Variants in NOL10 observed in about 807,000 individuals in gnomAD.
NOL10 encodes the protein H_NH0074G24.1.
A neutral mutation model predicts 103.5 loss-of-function variants in NOL10; 58 were observed. That is an observed-to-expected ratio of 0.56 (90% CI 0.45 to 0.70). The LOEUF (loss-of-function observed/expected upper bound fraction) is 0.70. NOL10 is among the 30% of genes least tolerant of loss of function. The probability of loss-of-function intolerance (pLI) is 0.00; values close to 1 mark genes in which losing one functional copy is unlikely to be tolerated. For missense variants in NOL10, 763 were observed against 807.3 expected (o/e 0.95, Z 0.67); for synonymous variants, 287 against 282.5 (o/e 1.02, Z -0.16).
intron 1 of NOL10, among the ~76,000 whole-genome samples, chr2:10,685,129 T>G (rs921367216): frequency 3.9e-5 from 6 of 152,188 alleles, no homozygotes; most frequent in Non-Finnish European, 8.8e-5. Flanking sequence ...TTTAATCTAT[T>G]TAAGTGAGAA....
intron 13 of NOL10, among the ~76,000 whole-genome samples, chr2:10,629,424 GA>G (rs367721511): frequency 5.3e-5 from 8 of 151,208 alleles, no homozygotes; most frequent in South Asian, 2.1e-4. Context: ...TGTTTAGTGG[GA>G]AAAAAAACAA....
At chr2:10,635,436 G>GA (rs1483739548) in intron 13 of NOL10, among the ~76,000 whole-genome samples, 2 of 152,146 alleles carry the variant, frequency 1.3e-5, no homozygotes, top group Non-Finnish European at 2.9e-5. Context: ...ATAAGGCAAA[G>GA]AAAACACCAA....
intron 17 of NOL10, among the ~76,000 whole-genome samples, chr2:10,594,986 A>G (rs1181374273): frequency 6.6e-6 from 1 of 152,104 alleles, no homozygotes; most frequent in Non-Finnish European, 1.5e-5. Flanking sequence ...AACAGGCTCT[A>G]TCTCAAAAAA....
chr2:10,606,219 C>T (rs573664874), intron 14 of NOL10, among the ~76,000 whole-genome samples: 5 of 79,346 alleles, frequency 6.3e-5, no homozygotes, highest in African/African-American at 2.8e-4. Context: ...TGGCAATGTA[C>T]ATTTATCTTT....
chr2:10,571,853 C>A lies in NOL10; in HGVS notation c.*218G>T. Reference sequence around the variant, plus strand: ...GGACAATGTTTCCAGGGAGCAACGACTCGCAAGCACACCCCTGGGGCTGTG... The same window carrying A: ...GGACAATGTTTCCAGGGAGCAACGAATCGCAAGCACACCCCTGGGGCTGTG... On this transcript the variant is annotated 3_prime_UTR_variant, in exon 21 of 21. Transcript: ENST00000381685. The A allele has an allele frequency of 2.3e-6, 1 of 433,640 alleles. No homozygotes were observed. Among genetic ancestry groups the A allele is most frequent in the Non-Finnish European group, 4.1e-6 (1 of 246,184 alleles). 26.9% of individuals were successfully genotyped at this position (433,640 alleles called of 1,614,324 possible).
intron 5 of NOL10, among the ~76,000 whole-genome samples, chr2:10,673,124 C>G (rs1406935991): frequency 6.6e-6 from 1 of 152,100 alleles, no homozygotes; most frequent in East Asian, 1.9e-4. Flanking sequence ...AACACACAAC[C>G]CTGCTAGTTT....
chr2:10,594,831 A>C (rs1266840441), intron 17 of NOL10, among the ~76,000 whole-genome samples: 1 of 151,950 alleles, frequency 6.6e-6, no homozygotes, highest in Non-Finnish European at 1.5e-5. Context: ...GCTCTACTAA[A>C]ATATATACAT....
At position 10,577,679 on chromosome 2, in the gene NOL10, T is replaced by A; in HGVS notation, c.1904A>T (p.Asp635Val). 6.2e-7 allele frequency: 1 copy of A among 1,613,264 alleles called. No homozygotes were observed. The highest frequency in any genetic ancestry group is 8.5e-7 in the Non-Finnish European group (1 of 1,179,544). The change falls in exon 20 of 21, where the codon GAC (aspartate) becomes GTC (valine). Residue 635 changes from aspartate (D) to valine (V), a missense_variant. Asp to Val is a radical substitution (Grantham distance 152). Coordinates refer to ENST00000381685, the MANE Select transcript of NOL10 (RefSeq NM_024894.4). ...EAKNGTLSVS[D>V]TTVGSKQLTF... Reference sequence around the variant, plus strand: ...CAATTGTTTGCTGCCAACGGTGGTGTCGGATACACTCAATGTCCCATTTTT... The same window carrying A: ...CAATTGTTTGCTGCCAACGGTGGTGACGGATACACTCAATGTCCCATTTTT...
chr2:10,673,012 A>G (rs1681052844), intron 5 of NOL10, among the ~76,000 whole-genome samples: 1 of 152,172 alleles, frequency 6.6e-6, no homozygotes, highest in Admixed American at 6.6e-5. Context: ...AAGAGTTGAA[A>G]GATGGACTAA....
At chr2:10,622,818 C>A (rs908998621) in intron 13 of NOL10, among the ~76,000 whole-genome samples, 1 of 152,114 alleles carries the variant, frequency 6.6e-6, no homozygotes, top group East Asian at 1.9e-4. Flanking sequence ...TCAAAACTCC[C>A]TCCCAGGAAG....
chr2:10,626,257 GA>G (rs1420629859), intron 13 of NOL10, among the ~76,000 whole-genome samples: 24 of 152,282 alleles, frequency 1.6e-4, no homozygotes, highest in African/African-American at 5.1e-4. Context: ...TGGAGTCAAT[GA>G]AAGCCTATGA....
At position 10,572,095 on chromosome 2, in the gene NOL10, G is replaced by A; in HGVS notation, c.2043C>T (p.His681=). The A allele has an allele frequency of 6.2e-7, 1 of 1,613,904 alleles. No individual in the cohort carries two copies. Among genetic ancestry groups the A allele is most frequent in the Non-Finnish European group, 8.5e-7 (1 of 1,179,894 alleles). The change falls in exon 21 of 21, where the codon CAC becomes CAT. Residue 681 remains histidine, a synonymous_variant. Transcript: ENST00000381685. The part of the protein sequence containing the change: ...RRSAGHLKSR[H]KRGRSFH Reference sequence around the variant, plus strand: ...ATCAATGAAACGACCGTCCTCTTTTGTGTCTTGACTTCAGGTGTCCGGCCG... The same window carrying A: ...ATCAATGAAACGACCGTCCTCTTTTATGTCTTGACTTCAGGTGTCCGGCCG...
chr2:10,582,559 GATGTGCCC>G (rs1674817363), intron 19 of NOL10, among the ~76,000 whole-genome samples: 1 of 152,190 alleles, frequency 6.6e-6, no homozygotes, highest in South Asian at 2.1e-4. Context: ...AGAAAAGGCT[GATGTGCCC>G]AGATTCCTGA....
intron 20 of NOL10, among the ~76,000 whole-genome samples, 185 bp downstream of exon 20, chr2:10,577,451 A>C (rs544831746): frequency 2.4e-4 from 36 of 152,328 alleles, no homozygotes; most frequent in African/African-American, 8.4e-4. Context: ...GCTCTGCTGC[A>C]GTCACACACT....
chr2:10,679,995 C>G (rs1467620071), intron 3 of NOL10, among the ~76,000 whole-genome samples: 2 of 151,974 alleles, frequency 1.3e-5, no homozygotes, highest in Non-Finnish European at 2.9e-5. Context: ...AGCCATTAGG[C>G]CAGGCGCAGT....
chr2:10,630,434 T>C (rs1474180584), intron 13 of NOL10, among the ~76,000 whole-genome samples: 1 of 152,192 alleles, frequency 6.6e-6, no homozygotes, highest in Non-Finnish European at 1.5e-5. Flanking sequence ...AACTTGCAGC[T>C]GGGCGCGATG....
intron 20 of NOL10, among the ~76,000 whole-genome samples, chr2:10,575,209 T>C (rs1041134841): frequency 6.6e-6 from 1 of 152,228 alleles, no homozygotes; most frequent in African/African-American, 2.4e-5. Flanking sequence ...AAAATTAGAT[T>C]TGTGACTGAA....
intron 13 of NOL10, among the ~76,000 whole-genome samples, chr2:10,617,459 T>C (rs193235053): frequency 3.9e-5 from 6 of 152,310 alleles, no homozygotes; most frequent in Admixed American, 2.6e-4. Context: ...TCAGATTTTA[T>C]AGAATTAGTC....
chr2:10,678,825 G>T (rs1263351735), intron 3 of NOL10, among the ~76,000 whole-genome samples: 2 of 152,058 alleles, frequency 1.3e-5, no homozygotes, highest in East Asian at 1.9e-4. Flanking sequence ...CCAGAAAAAG[G>T]CCTCTAGGAA....
Sources: gnomAD v4.1 joint callset for allele counts (sites outside exome capture counted in the v4.1 genomes callset) on GRCh38, gnomAD v4.1.1 for gene constraint, MANE v1.5 for transcripts, NCBI Gene and HGNC (gene_info 2026-07-23, HGNC 2026-07-21) for gene names.